Variants in MYO16 observed in about 807,000 individuals in gnomAD.
The protein encoded by MYO16 is myosin XVI.
A neutral mutation model predicts 205.3 loss-of-function variants in MYO16; 94 were observed. That is an observed-to-expected ratio of 0.46 (90% CI 0.39 to 0.54). The LOEUF (loss-of-function observed/expected upper bound fraction) is 0.54, where lower values mean the gene tolerates loss of function less well. Ranked by LOEUF, MYO16 falls within the 20% of genes least tolerant of loss-of-function variation. MYO16 has a pLI of 0.00. For synonymous variants in MYO16, 988 were observed against 954.0 expected (o/e 1.04, Z -0.66); for missense variants, 2,315 against 2,387.5 (o/e 0.97, Z 0.63).
At chr13:108,818,251 G>C (rs1875746645) in intron 7 of MYO16, among the ~76,000 whole-genome samples, 1 of 151,876 alleles carries the variant, frequency 6.6e-6, no homozygotes, top group South Asian at 2.1e-4. Flanking sequence ...AGGTGCGGTG[G>C]TGCATGCCGG....
intron 15 of MYO16, among the ~76,000 whole-genome samples, chr13:108,904,921 A>G (rs558780445): frequency 2.6e-5 from 4 of 152,340 alleles, no homozygotes; most frequent in South Asian, 4.1e-4. Context: ...AGTTTTTTAT[A>G]TAGTACACAA....
At chr13:108,570,722 G>T in the MYO16 span, among the ~76,000 whole-genome samples, 2 of 152,218 alleles carry the variant, frequency 1.3e-5, no homozygotes, top group African/African-American at 4.8e-5. Context: ...AATTCAGGAA[G>T]TCTTTTTATT....
intron 13 of MYO16, among the ~76,000 whole-genome samples, chr13:108,887,331 GTTAA>G (rs1879951155): frequency 6.6e-6 from 1 of 152,144 alleles, no homozygotes; most frequent in South Asian, 2.1e-4. Context: ...GGCAAACACT[GTTAA>G]TTAACTTTGT....
At chr13:109,177,605 C>T (rs1329556461) in intron 33 of MYO16, among the ~76,000 whole-genome samples, 1 of 152,080 alleles carries the variant, frequency 6.6e-6, no homozygotes, top group Non-Finnish European at 1.5e-5. Flanking sequence ...TGCAACTCTC[C>T]CTCCCAGGTT....
At chr13:108,638,413 T>G (rs1037691049) in intron 1 of MYO16, among the ~76,000 whole-genome samples, 1 of 152,200 alleles carries the variant, frequency 6.6e-6, no homozygotes, top group Non-Finnish European at 1.5e-5. Flanking sequence ...TTTTAAAAAA[T>G]TCATTGCTTC....
At position 109,166,221 on chromosome 13, in the gene MYO16, A is replaced by T. The variant is rs79151000; in HGVS notation, c.5323+1162A>T. Among the ~76,000 whole-genome samples the T allele has an allele frequency of 0.012, 1,835 of 152,328 alleles. 203 individuals are homozygous for T. The East Asian group carries it at 0.26, about 22-fold the overall frequency. On this transcript the variant is annotated intron_variant, in intron 33 of 34. Transcript: ENST00000457511. ...GTATGTTTACTCAGCCCCCCACGAA[A>T]TAAAACAACGAGAATTTCAGCAGAA...
intron 16 of MYO16, among the ~76,000 whole-genome samples, chr13:108,940,978 C>A (rs960096387): frequency 6.6e-6 from 1 of 152,164 alleles, no homozygotes; most frequent in Non-Finnish European, 1.5e-5. Flanking sequence ...TCTGTAGTAA[C>A]CAAAGCAGCA....
At chr13:109,022,904 A>T (rs1185093384) in intron 23 of MYO16, among the ~76,000 whole-genome samples, 1 of 135,774 alleles carries the variant, frequency 7.4e-6, no homozygotes, top group South Asian at 2.3e-4. Context: ...ACATGTAAAT[A>T]TATGTATACA....
chr13:109,100,908 G>A, intron 28 of MYO16, 21 bp downstream of exon 28: 1 of 1,591,702 alleles, frequency 6.3e-7, no homozygotes, highest in Non-Finnish European at 8.6e-7. Context: ...TACAAGCTAT[G>A]AAAATAACAT....
At chr13:109,129,963 GCT>G (rs1290748928) in intron 31 of MYO16, among the ~76,000 whole-genome samples, 1 of 148,480 alleles carries the variant, frequency 6.7e-6, no homozygotes, top group East Asian at 2.0e-4. Flanking sequence ...ACCTCAGAGA[GCT>G]CTCTCCTATG....
intron 20 of MYO16, among the ~76,000 whole-genome samples, chr13:108,988,608 TGCCACAGTG>T (rs547026270): frequency 6.6e-5 from 10 of 152,168 alleles, no homozygotes; most frequent in Admixed American, 4.6e-4. Context: ...CACCCACACA[TGCCACAGTG>T]GCCAAATAAT....
the MYO16 span, among the ~76,000 whole-genome samples, chr13:108,555,908 T>A: frequency 6.6e-6 from 1 of 152,208 alleles, no homozygotes; most frequent in African/African-American, 2.4e-5. Context: ...TTCATTCATG[T>A]CGTTGCAAAT....
intron 32 of MYO16, among the ~76,000 whole-genome samples, chr13:109,161,791 C>T (rs1269612335): frequency 1.3e-5 from 2 of 152,040 alleles, no homozygotes; most frequent in African/African-American, 4.8e-5. Context: ...ACCTGTGTGA[C>T]CGTTTAAAAG....
intron 28 of MYO16, among the ~76,000 whole-genome samples, chr13:109,110,976 G>T (rs148362173): frequency 6.6e-6 from 1 of 151,912 alleles, no homozygotes; most frequent in Admixed American, 6.6e-5. Context: ...ATGAATGAAT[G>T]AAGGTGAATG....
chr13:108,574,697 G>GTGTGTT, the MYO16 span, among the ~76,000 whole-genome samples: 1 of 134,478 alleles, frequency 7.4e-6, no homozygotes, highest in Non-Finnish European at 1.6e-5. Context: ...GTGTGTGTGT[G>GTGTGTT]TGTGTGTGTG....
At chr13:108,761,730 C>T (rs1885616684) in intron 4 of MYO16, among the ~76,000 whole-genome samples, 1 of 152,196 alleles carries the variant, frequency 6.6e-6, no homozygotes, top group Non-Finnish European at 1.5e-5. Context: ...GAGGGATCGT[C>T]TATTTCCAAA....
chr13:109,078,750 A>C (rs1594065214), intron 27 of MYO16, among the ~76,000 whole-genome samples: 1 of 152,310 alleles, frequency 6.6e-6, no homozygotes, highest in East Asian at 1.9e-4. Context: ...TTGGAGCCAG[A>C]GAAGAATTTA....
At chr13:109,182,531 C>T (rs540547907) in intron 34 of MYO16, among the ~76,000 whole-genome samples, 2 of 152,306 alleles carry the variant, frequency 1.3e-5, no homozygotes, top group African/African-American at 4.8e-5. Flanking sequence ...CATGTCCTTC[C>T]TTAGCCTTCC....
chr13:108,686,385 A>G (rs1566549865), intron 2 of MYO16, among the ~76,000 whole-genome samples: 3 of 152,224 alleles, frequency 2.0e-5, no homozygotes, highest in Non-Finnish European at 2.9e-5. Context: ...TATCACACGT[A>G]TTAAAATATC....
Sources: allele counts gnomAD v4.1 joint callset (sites outside exome capture counted in the v4.1 genomes callset), GRCh38; gene constraint gnomAD v4.1.1; transcripts MANE v1.5; gene names NCBI Gene and HGNC (gene_info 2026-07-23, HGNC 2026-07-21).